The following RSU1 variants were observed in gnomAD, a reference collection of about 807,000 sequenced individuals.
The protein encoded by RSU1 is rsu-1.
A neutral mutation model predicts 31.1 loss-of-function variants in RSU1; 26 were observed. That is an observed-to-expected ratio of 0.84 (90% CI 0.61 to 1.16). The LOEUF (loss-of-function observed/expected upper bound fraction) is 1.16. Among genes scored for constraint, RSU1 ranks in the 50% most tolerant of loss-of-function variants. RSU1 has a pLI of 0.00. For synonymous variants in RSU1, 164 were observed against 136.3 expected, an observed-to-expected ratio of 1.20 and a Z score of -1.41; for missense variants, 320 against 339.1, an observed-to-expected ratio of 0.94 and a Z score of 0.44.
In RSU1 at chr10:16,695,167, G is replaced by GGGGGGCCCCC; in HGVS notation, c.599-13_599-12insGGGGGCCCCC. 7.6e-7 allele frequency: 1 copy of GGGGGGCCCCC among 1,318,160 alleles called. No homozygotes were observed. The highest frequency in any genetic ancestry group is 1.0e-6 in the Non-Finnish European group (1 of 970,986). 81.7% of individuals were successfully genotyped at this position (1,318,160 alleles called of 1,614,324 possible). A position where few individuals can be genotyped will look rare whatever the true frequency, so the allele number is the denominator to read the frequency against. On this transcript the variant is annotated splice_polypyrimidine_tract_variant and intron_variant, in intron 7 of 8. Coordinates refer to ENST00000345264, the MANE Select transcript of RSU1 (RefSeq NM_012425.4). Reference sequence around the variant, plus strand: ...TAAATCCAAGTTTCCTGGGGGGGGGGAAAAAAAAAGTGAAGGTCACTTCAT... The same window carrying GGGGGGCCCCC: ...TAAATCCAAGTTTCCTGGGGGGGGGGGGGGGCCCCCAAAAAAAAAGTGAAGGTCACTTCAT...
chr10:16,723,016 A>G lies in RSU1; in HGVS notation c.599-27861T>C, dbSNP rs188832586. The G allele has an allele frequency of 7.3e-5, 11 of 151,156 alleles. No homozygotes were observed. The East Asian group carries it at 1.2e-3, about 16-fold the overall frequency. 9.4% of individuals were successfully genotyped at this position (151,156 alleles called of 1,614,324 possible). Reference sequence around the variant, plus strand: ...CATATATGCATATAGACACAAACATACACACATATATGTATATGTATATAG... The same window carrying G: ...CATATATGCATATAGACACAAACATGCACACATATATGTATATGTATATAG... On this transcript the variant is annotated intron_variant, in intron 7 of 8. Transcript: ENST00000345264.
chr10:16,809,763 G>A (rs1453356486), intron 2 of RSU1, among the ~76,000 whole-genome samples: 4 of 152,048 alleles, frequency 2.6e-5, no homozygotes, highest in Admixed American at 1.3e-4. Context: ...ATAATACAGG[G>A]TATGGTTTTC....
Position 16,722,973 on chromosome 10 carries a change from T to TATATATACACACATATACATATATGC in RSU1, c.599-27844_599-27819dup, listed in dbSNP as rs1564332696. On this transcript the variant is annotated intron_variant, in intron 7 of 8. Coordinates refer to ENST00000345264, the MANE Select transcript of RSU1 (RefSeq NM_012425.4). ...ATATATACACACATATACATATATG[T>TATATATACACACATATACATATATGC]ATATATACACACATATACATATATG... 7.0e-4 allele frequency: 105 copies of TATATATACACACATATACATATATGC among 149,104 alleles called. 5 individuals carry two copies. Among genetic ancestry groups the TATATATACACACATATACATATATGC allele is most frequent in the East Asian group, 5.7e-3 (29 of 5,048 alleles). The allele number at this position is 149,104 out of a possible 1,614,324, so 9.2% of individuals were successfully genotyped here. A position where few individuals can be genotyped will look rare whatever the true frequency, so the allele number is the denominator to read the frequency against.
chr10:16,702,547 T>C (rs1370628769), intron 7 of RSU1, among the ~76,000 whole-genome samples: 1 of 152,218 alleles, frequency 6.6e-6, no homozygotes, highest in African/African-American at 2.4e-5. Flanking sequence ...ATAATTTTGA[T>C]GTCTTAAGAT....
intron 8 of RSU1, among the ~76,000 whole-genome samples, chr10:16,602,327 A>G (rs1833726665): frequency 6.6e-6 from 1 of 152,200 alleles, no homozygotes; most frequent in South Asian, 2.1e-4. Context: ...AATGCAGCTA[A>G]CGTGCATTCA....
chr10:16,690,890 G>A (rs1286926915), intron 8 of RSU1, among the ~76,000 whole-genome samples: 5 of 152,142 alleles, frequency 3.3e-5, no homozygotes, highest in Admixed American at 3.3e-4. Flanking sequence ...CCAAAAGTAT[G>A]TTTTCATGGT....
intron 8 of RSU1, among the ~76,000 whole-genome samples, chr10:16,634,038 C>A (rs1351645219): frequency 6.6e-6 from 1 of 152,220 alleles, no homozygotes; most frequent in Non-Finnish European, 1.5e-5. Context: ...CCAGCATCCT[C>A]TATTTATCAG....
intron 8 of RSU1, among the ~76,000 whole-genome samples, chr10:16,652,212 G>A (rs1834696570): frequency 6.6e-6 from 1 of 151,998 alleles, no homozygotes; most frequent in Non-Finnish European, 1.5e-5. Flanking sequence ...GAAGAGAGAT[G>A]CTAGGAAGAT....
In RSU1 at chr10:16,668,707, C is replaced by T. The variant is rs371481791; in HGVS notation, c.731+26316G>A. 2.8e-4 allele frequency among the ~76,000 whole-genome samples: 42 copies of T among 152,184 alleles called. 1 individual carries two copies. The highest frequency in any genetic ancestry group is 5.3e-4 in the Non-Finnish European group (36 of 68,002). On this transcript the variant is annotated intron_variant, in intron 8 of 8. Transcript: ENST00000345264. ...ATTCCTATTTTGTCTCCTTTCTACT[C>T]CCCTTCCTCTGATCTCCCTCATTAT...
intron 8 of RSU1, 62 bp downstream of exon 8, chr10:16,694,961 G>T: frequency 1.4e-6 from 2 of 1,436,714 alleles, no homozygotes; most frequent in South Asian, 1.3e-5. Context: ...TATTTTTAAA[G>T]GCGTAATTAT....
chr10:16,795,933 C>T (rs576663583), intron 2 of RSU1, among the ~76,000 whole-genome samples: 5 of 152,308 alleles, frequency 3.3e-5, no homozygotes, highest in Middle Eastern at 3.4e-3. Flanking sequence ...TGAGCAGCAG[C>T]TCTCTGCGTC....
chr10:16,768,585 TCTG>T (rs1377146804), intron 3 of RSU1, among the ~76,000 whole-genome samples: 2 of 152,184 alleles, frequency 1.3e-5, no homozygotes, highest in African/African-American at 4.8e-5. Flanking sequence ...TCCCAGAGCC[TCTG>T]CTGTTTTGGA....
chr10:16,751,076 A>T (rs1342609927), intron 7 of RSU1, among the ~76,000 whole-genome samples: 2 of 152,108 alleles, frequency 1.3e-5, no homozygotes, highest in Admixed American at 1.3e-4. Context: ...CATGTTGCAC[A>T]GGCTGGTCTC....
chr10:16,647,027 G>C (rs561649072), intron 8 of RSU1, among the ~76,000 whole-genome samples: 2 of 152,098 alleles, frequency 1.3e-5, no homozygotes, highest in African/African-American at 4.8e-5. Flanking sequence ...CTCCAGGCTG[G>C]AGTGCAGTGG....
In RSU1 at chr10:16,754,878, G is replaced by A. The variant is rs1412397120; in HGVS notation, c.393C>T (p.Phe131=). 1.9e-6 allele frequency: 3 copies of A among 1,595,278 alleles called. No homozygotes were observed. The highest frequency in any genetic ancestry group is 1.1e-5 in the South Asian group (1 of 90,562). ...GAATTGAAAGTTTCTTACTCAGGTA[G>A]AAGAAGTTTCCAGGAAGAGAATTTT... ...LSENSLPGNF[F]YLTTLRALYL... The change falls in exon 5 of 9, where the codon TTC becomes TTT. Residue 131 remains phenylalanine, a synonymous_variant. Transcript: ENST00000345264.
At chr10:16,746,587 A>G (rs1219295071) in intron 7 of RSU1, among the ~76,000 whole-genome samples, 1 of 151,202 alleles carries the variant, frequency 6.6e-6, no homozygotes, top group Non-Finnish European at 1.5e-5. Context: ...CAGCGGTCTC[A>G]TCGGCAGGTG....
At chr10:16,621,255 C>T (rs1024530690) in intron 8 of RSU1, among the ~76,000 whole-genome samples, 26 of 152,244 alleles carry the variant, frequency 1.7e-4, no homozygotes, top group Non-Finnish European at 1.9e-4. Context: ...ACATGCCACC[C>T]TGCACAGGAC....
At chr10:16,814,032 G>A (rs925843214) in intron 2 of RSU1, among the ~76,000 whole-genome samples, 2 of 152,122 alleles carry the variant, frequency 1.3e-5, no homozygotes, top group African/African-American at 4.8e-5. Context: ...GAATAATAAA[G>A]GGAAAACTTG....
At chr10:16,709,021 T>TA (rs1835963766) in intron 7 of RSU1, among the ~76,000 whole-genome samples, 1 of 152,092 alleles carries the variant, frequency 6.6e-6, no homozygotes, top group Non-Finnish European at 1.5e-5. Context: ...AATTATACTT[T>TA]AAGTTTTAGG....
Sources: allele counts gnomAD v4.1 joint callset (sites outside exome capture counted in the v4.1 genomes callset), GRCh38; gene constraint gnomAD v4.1.1; transcripts MANE v1.5; gene names NCBI Gene and HGNC (gene_info 2026-07-23, HGNC 2026-07-21).